The following GRIK4 variants were observed in gnomAD, a reference collection of about 807,000 sequenced individuals.
The protein encoded by GRIK4 is glutamate ionotropic receptor kainate type subunit 4.
Under a neutral mutation model 104.9 loss-of-function variants are expected in GRIK4, and 40 were observed. The observed-to-expected ratio is 0.38, with a 90% CI of 0.30 to 0.50. GRIK4 has a LOEUF of 0.50. Ranked by LOEUF, GRIK4 falls within the 20% of genes least tolerant of loss-of-function variation. The pLI is 0.93. For missense variants in GRIK4, 1,047 were observed against 1,308.1 expected (o/e 0.80, Z 3.08); for synonymous variants, 485 against 524.9 (o/e 0.92, Z 1.04).
chr11:120,939,070 A>G lies in GRIK4; in HGVS notation c.1477-1277A>G, dbSNP rs1943660956. On this transcript the variant is annotated intron_variant, in intron 13 of 20. Coordinates refer to ENST00000527524, the MANE Select transcript of GRIK4 (RefSeq NM_014619.5). This position sits in a 1 kb window ranked among gnomAD's most constrained non-coding sequence, Gnocchi z 5.6. Reference sequence around the variant, plus strand: ...CCTAGAGAAGTGAAGTGACTAGTCCAGGTTGGTTAGTTGGTTGTTAGAGTA... The same window carrying G: ...CCTAGAGAAGTGAAGTGACTAGTCCGGGTTGGTTAGTTGGTTGTTAGAGTA... Among the ~76,000 whole-genome samples the G allele has an allele frequency of 6.6e-6, 1 of 152,218 alleles. No individual in the cohort carries two copies. Among genetic ancestry groups the G allele is most frequent in the South Asian group, 2.1e-4 (1 of 4,826 alleles).
At chr11:120,746,862 C>T (rs772324352) in intron 3 of GRIK4, among the ~76,000 whole-genome samples, 3 of 152,106 alleles carry the variant, frequency 2.0e-5, no homozygotes, top group Non-Finnish European at 2.9e-5. Context: ...TCACTACCCA[C>T]GGAAGCAAAG....
At chr11:120,794,046 G>A (rs1952458032) in intron 3 of GRIK4, among the ~76,000 whole-genome samples, 1 of 150,972 alleles carries the variant, frequency 6.6e-6, no homozygotes, top group African/African-American at 2.4e-5. Context: ...TAGAGGTGAG[G>A]GGCAGTGTTA....
At chr11:120,655,235 G>A (rs1324353116) in intron 2 of GRIK4, among the ~76,000 whole-genome samples, 1 of 151,728 alleles carries the variant, frequency 6.6e-6, no homozygotes, top group East Asian at 1.9e-4. Context: ...AGCCTCGAGG[G>A]GAGCTGATGA....
intron 9 of GRIK4, among the ~76,000 whole-genome samples, chr11:120,863,952 G>A (rs1229848797): frequency 1.3e-5 from 2 of 152,184 alleles, no homozygotes; most frequent in African/African-American, 4.8e-5. Flanking sequence ...GTTTGAGAAA[G>A]AGTTTCATGC....
In GRIK4 at chr11:120,986,299, G is replaced by A. The variant is rs1944751652; in HGVS notation, c.*39G>A. 9.9e-7 allele frequency: 1 copy of A among 1,010,940 alleles called. No homozygotes were observed. The highest frequency in any genetic ancestry group is 1.4e-6 in the Non-Finnish European group (1 of 740,090). The allele number at this position is 1,010,940 out of a possible 1,614,324, so 62.6% of individuals were successfully genotyped here. A position where few individuals can be genotyped will look rare whatever the true frequency, so the allele number is the denominator to read the frequency against. On this transcript the variant is annotated 3_prime_UTR_variant, in exon 21 of 21. Transcript: ENST00000527524. ...AGGACGCGCAGAGGCCGGGCGGGGC[G>A]GGAGGGGAGGGGCGGGGCGGGCGCT...
At chr11:120,898,698 A>G (rs1942652144) in intron 12 of GRIK4, 59 bp downstream of exon 12, 2 of 907,410 alleles carry the variant, frequency 2.2e-6, no homozygotes, top group African/African-American at 1.6e-5. Context: ...CCCGGCTCTG[A>G]GCACTCACAG....
intron 3 of GRIK4, among the ~76,000 whole-genome samples, chr11:120,783,997 A>G (rs1402731586): frequency 3.3e-5 from 5 of 152,160 alleles, no homozygotes; most frequent in Non-Finnish European, 7.4e-5. Flanking sequence ...GGCTGAGGGG[A>G]CAGGGAGCGA....
intron 6 of GRIK4, among the ~76,000 whole-genome samples, chr11:120,821,875 G>A (rs555908985): frequency 2.6e-5 from 4 of 152,160 alleles, no homozygotes; most frequent in Non-Finnish European, 5.9e-5. Flanking sequence ...AGATGAAGCA[G>A]ACTTGATGGA....
chr11:120,871,030 G>A (rs889538081), intron 9 of GRIK4: 4 of 154,546 alleles, frequency 2.6e-5, no homozygotes, highest in African/African-American at 9.6e-5. Context: ...TTACAGGCAT[G>A]AGCCACTGCG....
At chr11:120,767,957 A>G (rs1951868640) in intron 3 of GRIK4, among the ~76,000 whole-genome samples, 1 of 150,744 alleles carries the variant, frequency 6.6e-6, no homozygotes. Context: ...CAACTTTGTA[A>G]TATAATCTTA....
In GRIK4 at chr11:120,524,426, G is replaced by C. The variant is rs1243918759; in HGVS notation, c.-159+12539G>C. Reference sequence around the variant, plus strand: ...TGTATGGGATTGAAAAGTCAATTGTGTGATCTTAAAACACATTTCCCCTGG... The same window carrying C: ...TGTATGGGATTGAAAAGTCAATTGTCTGATCTTAAAACACATTTCCCCTGG... On this transcript the variant is annotated intron_variant, in intron 1 of 20. Coordinates refer to ENST00000527524, the MANE Select transcript of GRIK4 (RefSeq NM_014619.5). This position sits in a 1 kb window ranked among gnomAD's most constrained non-coding sequence, Gnocchi z 4.5. Among the ~76,000 whole-genome samples, 1 of 152,178 alleles carries C rather than the reference G, an allele frequency of 6.6e-6. No homozygotes were observed. The highest frequency in any genetic ancestry group is 1.5e-5 in the Non-Finnish European group (1 of 68,036).
intron 1 of GRIK4, among the ~76,000 whole-genome samples, chr11:120,570,909 G>T (rs1948389753): frequency 6.6e-6 from 1 of 152,170 alleles, no homozygotes. Flanking sequence ...TGAAACAGTT[G>T]TTTCCTTACC....
chr11:120,862,098 A>G lies in GRIK4; in HGVS notation c.884A>G (p.His295Arg), dbSNP rs770635989. The G allele has an allele frequency of 1.9e-6, 3 of 1,613,934 alleles. No individual in the cohort carries two copies. Among genetic ancestry groups the G allele is most frequent in the Non-Finnish European group, 2.5e-6 (3 of 1,179,984 alleles). ...CAGTCCTGGCAGGAGAACTGTGACC[A>G]TGTGCCCTTCACTGGGCCTGCGGTA... ...LNQSWQENCD[H>R]VPFTGPALSS... The change falls in exon 9 of 21, where the codon CAT becomes CGT. Residue 295 changes from histidine to arginine, a missense_variant. This residue lies in a region of GRIK4 where 447 missense variants were observed against 514.9 expected (regional missense o/e 0.87). Coordinates refer to ENST00000527524, the MANE Select transcript of GRIK4 (RefSeq NM_014619.5).
intron 3 of GRIK4, among the ~76,000 whole-genome samples, chr11:120,681,893 C>T (rs541468785): frequency 2.6e-5 from 4 of 152,218 alleles, no homozygotes; most frequent in African/African-American, 4.8e-5. Context: ...CGGGTAAAGG[C>T]TCTCCAAGGG....
rs1228917930 is a variant in GRIK4 at position 120,877,350 on chromosome 11, C to A, written c.1164+2107C>A. On this transcript the variant is annotated intron_variant, in intron 11 of 20. Transcript: ENST00000527524. ...GAAGCTGAAAAAGATTCAGCCCCTGCACAGAGAGAGTGCTCATGGTCTGTC... is the reference window on the plus strand; with the variant it reads ...GAAGCTGAAAAAGATTCAGCCCCTGAACAGAGAGAGTGCTCATGGTCTGTC... Among the ~76,000 whole-genome samples, 3 of 152,172 alleles carry A rather than the reference C, an allele frequency of 2.0e-5. 1 individual carries two copies.
intron 3 of GRIK4, among the ~76,000 whole-genome samples, chr11:120,742,261 G>A (rs983827588): frequency 2.6e-5 from 4 of 151,188 alleles, no homozygotes; most frequent in African/African-American, 7.3e-5. Flanking sequence ...CATGAGAATC[G>A]CTTGAACCTG....
chr11:120,738,699 A>T (rs2135404012), intron 3 of GRIK4, among the ~76,000 whole-genome samples: 1 of 152,354 alleles, frequency 6.6e-6, no homozygotes. Flanking sequence ...AACAGCAGCC[A>T]ACTGCTGAGA....
At chr11:120,918,391 T>C (rs1485616321) in intron 13 of GRIK4, among the ~76,000 whole-genome samples, 1 of 152,208 alleles carries the variant, frequency 6.6e-6, no homozygotes, top group Non-Finnish European at 1.5e-5. Flanking sequence ...ATTGATTCCA[T>C]ATTGGTTGTG....
At chr11:120,680,831 A>G (rs1404733079) in intron 3 of GRIK4, among the ~76,000 whole-genome samples, 1 of 152,214 alleles carries the variant, frequency 6.6e-6, no homozygotes, top group African/African-American at 2.4e-5. Flanking sequence ...ACCTTGGCCA[A>G]TACCAAAGTA....
Sources: allele counts gnomAD v4.1 joint callset (sites outside exome capture counted in the v4.1 genomes callset), GRCh38; gene constraint gnomAD v4.1.1; regional missense constraint gnomAD v4.1.1; non-coding constraint Gnocchi (gnomAD v3.1); transcripts MANE v1.5; gene names NCBI Gene and HGNC (gene_info 2026-07-23, HGNC 2026-07-21).